Variants in COP1 observed in about 807,000 individuals in gnomAD.
The protein encoded by COP1 is E3 ubiquitin-protein ligase COP1.
In COP1, 24 loss-of-function variants were observed where a neutral mutation model predicts 101.3. The ratio of observed to expected loss-of-function variants is 0.24; its 90% CI spans 0.17 to 0.33. COP1 has a LOEUF of 0.33. COP1 is among the 10% of genes least tolerant of loss of function. COP1 has a pLI of 1.00. For missense variants in COP1, 663 were observed against 906.2 expected (o/e 0.73, Z 3.45); for synonymous variants, 347 against 341.9 (o/e 1.01, Z -0.17).
chr1:176,055,100 A>T (rs555476874), intron 11 of COP1, among the ~76,000 whole-genome samples: 1 of 152,324 alleles, frequency 6.6e-6, no homozygotes, highest in South Asian at 2.1e-4. Flanking sequence ...ACTCCATCAC[A>T]GTCTACTTTG....
intron 15 of COP1, among the ~76,000 whole-genome samples, chr1:176,013,075 C>T (rs1664971439): frequency 6.6e-6 from 1 of 152,116 alleles, no homozygotes; most frequent in Non-Finnish European, 1.5e-5. Flanking sequence ...CTCCCATATA[C>T]TTTAAATCAT....
Position 176,116,610 on chromosome 1 carries a change from A to G in COP1, c.1026+14T>C. Reference sequence around the variant, plus strand: ...ACTCATGGTATCATTAAAGCAAACAAAGATATCGTTTACCTGAGAACTGCC... The same window carrying G: ...ACTCATGGTATCATTAAAGCAAACAGAGATATCGTTTACCTGAGAACTGCC... On this transcript the variant is annotated intron_variant, in intron 9 of 19. Transcript: ENST00000367669. The G allele has an allele frequency of 6.3e-7, 1 of 1,594,992 alleles. No individual in the cohort carries two copies. The highest frequency in any genetic ancestry group is 2.2e-5 in the East Asian group (1 of 44,682).
intron 9 of COP1, among the ~76,000 whole-genome samples, chr1:176,089,293 A>AAACAACAACAAC (rs1428198512): frequency 8.0e-5 from 4 of 49,758 alleles, no homozygotes; most frequent in Non-Finnish European, 1.6e-4. Flanking sequence ...ACTCTGTCTA[A>AAACAACAACAAC]AACAATAACA....
At position 175,967,876 on chromosome 1, in the gene COP1, T is replaced by C. The variant is rs570029523; in HGVS notation, c.2133+19067A>G. The stretch of plus-strand genomic sequence containing the variant: ...TTAGAAGAATAATATTTCTTTTTTC[T>C]TTTTTTTTTGAGATGGAGTCTCGCA... On this transcript the variant is annotated intron_variant, in intron 18 of 19. Transcript: ENST00000367669. 3.4e-4 allele frequency among the ~76,000 whole-genome samples: 51 copies of C among 148,226 alleles called. No homozygotes were observed. The South Asian group carries it at 0.011, about 31-fold the overall frequency.
At chr1:175,997,466 A>C (rs1430911331) in intron 15 of COP1, among the ~76,000 whole-genome samples, 1 of 152,104 alleles carries the variant, frequency 6.6e-6, no homozygotes, top group Non-Finnish European at 1.5e-5. Flanking sequence ...TAGGCAACCT[A>C]CAAAATGGGA....
intron 18 of COP1, among the ~76,000 whole-genome samples, chr1:175,967,100 G>A (rs1242902680): frequency 6.6e-6 from 1 of 152,130 alleles, no homozygotes; most frequent in African/African-American, 2.4e-5. Flanking sequence ...TTTCTAAAGG[G>A]CCTAGAAAAG....
intron 15 of COP1, among the ~76,000 whole-genome samples, chr1:175,993,532 T>A (rs367978902): frequency 1.3e-5 from 2 of 151,840 alleles, no homozygotes; most frequent in Admixed American, 6.6e-5. Context: ...GAATAACCAA[T>A]ACAGAGAAGT....
chr1:176,063,979 G>A (rs777508246), intron 11 of COP1, among the ~76,000 whole-genome samples: 13 of 152,142 alleles, frequency 8.5e-5, no homozygotes, highest in Non-Finnish European at 1.8e-4. Context: ...TTCTTTCACA[G>A]ACACACTTTG....
intron 15 of COP1, among the ~76,000 whole-genome samples, chr1:175,997,216 A>T (rs1438965674): frequency 6.6e-6 from 1 of 151,088 alleles, no homozygotes; most frequent in African/African-American, 2.4e-5. Flanking sequence ...CTGAAACTGG[A>T]TCCCTTCCTT....
chr1:175,980,723 C>A (rs887861395), intron 18 of COP1, among the ~76,000 whole-genome samples: 1 of 151,876 alleles, frequency 6.6e-6, no homozygotes, highest in African/African-American at 2.4e-5. Flanking sequence ...TTTTTGGGGT[C>A]ACTTCTGAAG....
At chr1:176,131,187 T>C (rs1325044431) in intron 8 of COP1, among the ~76,000 whole-genome samples, 4 of 151,752 alleles carry the variant, frequency 2.6e-5, no homozygotes, top group African/African-American at 9.7e-5. Flanking sequence ...TCTAAACCAA[T>C]GTACATGATA....
intron 11 of COP1, among the ~76,000 whole-genome samples, chr1:176,070,637 G>C (rs1454820559): frequency 6.6e-6 from 1 of 152,010 alleles, no homozygotes; most frequent in Non-Finnish European, 1.5e-5. Flanking sequence ...ACTCCAGCCT[G>C]AGCAACAGAG....
intron 11 of COP1, among the ~76,000 whole-genome samples, chr1:176,076,139 A>C (rs1677959514): frequency 6.6e-6 from 1 of 152,108 alleles, no homozygotes; most frequent in Non-Finnish European, 1.5e-5. Flanking sequence ...ATTGACACAG[A>C]GTACTACACC....
chr1:176,198,068 T>A (rs1319315754), intron 1 of COP1, among the ~76,000 whole-genome samples: 1 of 152,180 alleles, frequency 6.6e-6, no homozygotes, highest in Non-Finnish European at 1.5e-5. Context: ...AGATGTCATC[T>A]TCCCAAATGA....
chr1:175,966,470 A>T (rs1652052576), intron 18 of COP1, among the ~76,000 whole-genome samples: 1 of 152,236 alleles, frequency 6.6e-6, no homozygotes. Flanking sequence ...GAGTAAACAT[A>T]GTCTTAGACT....
chr1:176,048,017 A>C (rs1671807486), intron 11 of COP1, among the ~76,000 whole-genome samples: 2 of 151,856 alleles, frequency 1.3e-5, no homozygotes, highest in African/African-American at 4.8e-5. Context: ...AAGCTGCAGT[A>C]AGCCATGACT....
chr1:176,005,728 A>C (rs1663000070), intron 15 of COP1, among the ~76,000 whole-genome samples: 2 of 133,506 alleles, frequency 1.5e-5, no homozygotes, highest in Admixed American at 8.2e-5. Context: ...AGTTTGTTAT[A>C]ATCTCTGTTC....
chr1:176,039,918 T>A (rs2149153880), intron 14 of COP1, among the ~76,000 whole-genome samples: 1 of 152,078 alleles, frequency 6.6e-6, no homozygotes, highest in South Asian at 2.1e-4. Context: ...TCAAAATGGA[T>A]CAAAGACATA....
intron 11 of COP1, among the ~76,000 whole-genome samples, chr1:176,052,326 A>T (rs1672711400): frequency 6.6e-6 from 1 of 152,174 alleles, no homozygotes; most frequent in South Asian, 2.1e-4. Context: ...TTGCCTAATG[A>T]CACATTTTTC....
Sources: gnomAD v4.1 joint callset for allele counts (sites outside exome capture counted in the v4.1 genomes callset) on GRCh38, gnomAD v4.1.1 for gene constraint, MANE v1.5 for transcripts, NCBI Gene and HGNC (gene_info 2026-07-23, HGNC 2026-07-21) for gene names.